The following LCORL variants were observed in gnomAD, a reference collection of about 807,000 sequenced individuals.
The protein encoded by LCORL is ligand-dependent nuclear receptor corepressor-like protein.
LCORL carries 41 observed loss-of-function variants against 141.8 expected under a neutral mutation model. The observed-to-expected ratio is 0.29, with a 90% CI of 0.23 to 0.38. The LOEUF (loss-of-function observed/expected upper bound fraction) is 0.38, where lower values mean the gene tolerates loss of function less well. Among genes scored for constraint, LCORL ranks in the 10% least tolerant of loss-of-function variants. The pLI, the probability that LCORL is intolerant of heterozygous loss-of-function variation, is 1.00. For synonymous variants in LCORL, 618 were observed against 694.1 expected (o/e 0.89, Z 1.72); for missense variants, 1,759 against 2,035.0 (o/e 0.86, Z 2.61).
intron 4 of LCORL, among the ~76,000 whole-genome samples, chr4:17,934,726 A>G (rs911531727): frequency 3.9e-5 from 6 of 152,198 alleles, no homozygotes; most frequent in Admixed American, 2.6e-4. Context: ...CATTATGGGT[A>G]AATTTTTAAA....
chr4:18,015,797 T>C (rs567527616), intron 1 of LCORL, among the ~76,000 whole-genome samples: 3 of 149,966 alleles, frequency 2.0e-5, no homozygotes, highest in African/African-American at 4.9e-5. Context: ...ACAAGTTGAT[T>C]AACAGGAAAA....
chr4:17,862,538 G>A (rs1725136080), intron 7 of LCORL, among the ~76,000 whole-genome samples: 1 of 152,048 alleles, frequency 6.6e-6, no homozygotes, highest in Non-Finnish European at 1.5e-5. Context: ...ATAGACCAAT[G>A]GAACAGAAAA....
chr4:17,945,111 C>T (rs1738646003), intron 4 of LCORL, among the ~76,000 whole-genome samples: 1 of 151,996 alleles, frequency 6.6e-6, no homozygotes, highest in African/African-American at 2.4e-5. Flanking sequence ...TTAAGAAACA[C>T]AGAGAAAGAA....
chr4:17,977,054 T>A (rs1435369004), intron 1 of LCORL, among the ~76,000 whole-genome samples: 1 of 152,218 alleles, frequency 6.6e-6, no homozygotes, highest in East Asian at 1.9e-4. Context: ...TAGACTTTCA[T>A]GAGAATCGAA....
At chr4:17,867,514 G>A (rs1234330218) in intron 7 of LCORL, among the ~76,000 whole-genome samples, 5 of 152,138 alleles carry the variant, frequency 3.3e-5, no homozygotes, top group Non-Finnish European at 7.4e-5. Flanking sequence ...CCAATTTAGA[G>A]AATTAAATCT....
intron 4 of LCORL, among the ~76,000 whole-genome samples, chr4:17,924,128 A>G (rs922626571): frequency 2.6e-5 from 4 of 152,164 alleles, no homozygotes; most frequent in African/African-American, 9.6e-5. Flanking sequence ...TGACAAAGAA[A>G]TTTGGGAAAG....
At chr4:17,880,847 AAAT>A in intron 6 of LCORL, 2 of 851,410 alleles carry the variant, frequency 2.3e-6, no homozygotes, top group Non-Finnish European at 1.4e-6. Flanking sequence ...ATATTGTAAT[AAAT>A]AATTCATGAA....
At chr4:17,873,607 T>C (rs16895927) in exon 7 of LCORL, 42,181 of 1,233,730 alleles carry the variant, frequency 0.034, 1,548 homozygotes, top group African/African-American at 0.19. Flanking sequence ...GGATTATTTG[T>C]GTTAGCATTT....
At chr4:17,894,308 A>C (rs780771710) in intron 5 of LCORL, among the ~76,000 whole-genome samples, 1 of 152,208 alleles carries the variant, frequency 6.6e-6, no homozygotes, top group Non-Finnish European at 1.5e-5. Flanking sequence ...TGCTTCAAAA[A>C]ATTTCTTGTA....
At chr4:17,963,861 A>AT (rs1269704229) in intron 2 of LCORL, among the ~76,000 whole-genome samples, 1 of 152,050 alleles carries the variant, frequency 6.6e-6, no homozygotes, top group Non-Finnish European at 1.5e-5. Flanking sequence ...AACCTCAAAC[A>AT]TAAAAACCAT....
chr4:17,874,866 T>C (rs1342701518), exon 7 of LCORL: 2 of 1,233,832 alleles, frequency 1.6e-6, no homozygotes, highest in Non-Finnish European at 2.0e-6. Flanking sequence ...TGAGTGCCTA[T>C]GTTTTTCCTT....
At chr4:17,878,013 G>A (rs968542757) in exon 7 of LCORL, 9 of 1,230,378 alleles carry the variant, frequency 7.3e-6, no homozygotes, top group Admixed American at 8.5e-5. Context: ...TTCGATTAAG[G>A]GCTTTTGAGA....
Position 17,922,745 on chromosome 4 carries a change from T to C in LCORL, c.431-13400A>G, listed in dbSNP as rs565157430. Among the ~76,000 whole-genome samples the C allele has an allele frequency of 9.2e-5, 14 of 152,194 alleles. No individual in the cohort carries two copies. In the South Asian group the frequency reaches 2.9e-3, roughly 32 times the overall value. On this transcript the variant is annotated intron_variant, in intron 4 of 7. Coordinates refer to ENST00000635767, the Ensembl canonical transcript of LCORL. ...AGTGAGGGCAGTGACTGTAAAAGAA[T>C]GGGGCCTTGCAAATTGGAATGGGGA...
intron 4 of LCORL, among the ~76,000 whole-genome samples, chr4:17,948,233 G>A (rs951480135): frequency 6.6e-6 from 1 of 151,946 alleles, no homozygotes; most frequent in Admixed American, 6.6e-5. Context: ...TACTCAACAA[G>A]TATTTAGTGT....
chr4:17,954,414 C>T lies in LCORL; in HGVS notation c.430+7489G>A, dbSNP rs138454747. On this transcript the variant is annotated intron_variant, in intron 4 of 7. Transcript: ENST00000635767. ...AAAAGTCAGTAAGTATTCAAAAGAA[C>T]GAATAATAAGATGTGGTCAAGGAGG... Among the ~76,000 whole-genome samples the T allele has an allele frequency of 5.0e-3, 761 of 152,172 alleles. 2 individuals carry two copies. Among genetic ancestry groups the T allele is most frequent in the Non-Finnish European group, 8.8e-3 (601 of 67,994 alleles).
intron 4 of LCORL, among the ~76,000 whole-genome samples, chr4:17,929,110 C>T (rs972274457): frequency 3.0e-4 from 45 of 151,998 alleles, no homozygotes; most frequent in Admixed American, 1.6e-3. Context: ...AGTTGTACAC[C>T]GAAAACTGGA....
intron 6 of LCORL, 63 bp from the exon 7 acceptor site, chr4:17,878,276 T>G (rs1727122174): frequency 9.1e-7 from 1 of 1,097,448 alleles, no homozygotes; most frequent in Non-Finnish European, 1.2e-6. Context: ...GGAGTTATAA[T>G]TTTAACAGTG....
At position 17,852,422 on chromosome 4, in the gene LCORL, A is replaced by G. The variant is rs80305701; in HGVS notation, c.5603-6521T>C. On this transcript the variant is annotated intron_variant, in intron 7 of 7. Coordinates refer to ENST00000635767, the Ensembl canonical transcript of LCORL. ...AAAAAAAAAGGTACTTTCGCTGCTT[A>G]TCTTACAGATTTGTTGTGACAATTT... is the stretch of plus-strand genomic sequence containing the variant. Among the ~76,000 whole-genome samples the G allele has an allele frequency of 1.9e-3, 290 of 152,176 alleles. 1 individual carries two copies. The highest frequency in any genetic ancestry group is 6.8e-3 in the African/African-American group (282 of 41,534).
chr4:17,876,628 T>G, exon 7 of LCORL: 1 of 1,230,696 alleles, frequency 8.1e-7, no homozygotes, highest in Non-Finnish European at 1.0e-6. Flanking sequence ...ACATAATTAT[T>G]TGTTACATAT....
Sources: gnomAD v4.1 joint callset for allele counts (sites outside exome capture counted in the v4.1 genomes callset) on GRCh38, gnomAD v4.1.1 for gene constraint, MANE v1.5 for transcripts, NCBI Gene and HGNC (gene_info 2026-07-23, HGNC 2026-07-21) for gene names.